The following FBXO8 variants were observed in gnomAD, a reference collection of about 807,000 sequenced individuals.
FBXO8 encodes F-box protein 8, also known as F-box only protein 8.
FBXO8 carries 15 observed loss-of-function variants against 33.4 expected under a neutral mutation model. That is an observed-to-expected ratio of 0.45 (90% CI 0.30 to 0.69). The LOEUF (loss-of-function observed/expected upper bound fraction) is 0.69, where lower values mean the gene tolerates loss of function less well. FBXO8 is among the 30% of genes least tolerant of loss of function. The pLI, the probability that FBXO8 is intolerant of heterozygous loss-of-function variation, is 0.08. For synonymous variants in FBXO8, 132 were observed against 131.5 expected (o/e 1.00, Z -0.02); for missense variants, 274 against 380.3 (o/e 0.72, Z 2.32).
intron 5 of FBXO8, among the ~76,000 whole-genome samples, chr4:174,238,551 CACAA>C (rs1350808996): frequency 2.0e-5 from 3 of 151,228 alleles, no homozygotes; most frequent in Non-Finnish European, 3.0e-5. Context: ...TAGAAGTACA[CACAA>C]ACAGACATAT....
At chr4:174,273,867 C>T (rs1207815261) in intron 1 of FBXO8, among the ~76,000 whole-genome samples, 1 of 151,946 alleles carries the variant, frequency 6.6e-6, no homozygotes, top group Non-Finnish European at 1.5e-5. Context: ...ATTATTATTA[C>T]CTTAGGGCTC....
In FBXO8 at chr4:174,253,309, A is replaced by G. The variant is rs1388850481; in HGVS notation, c.456+6390T>C. On this transcript the variant is annotated intron_variant, in intron 3 of 5. Coordinates refer to ENST00000393674, the MANE Select transcript of FBXO8 (RefSeq NM_012180.3). The surrounding 1 kb of genome is among the most constrained non-coding windows in gnomAD (Gnocchi z 4.5). Reference sequence around the variant, plus strand: ...CACCTATATCCTTTTCTTTTGCCACACTGTGTAGTAGTATTTCCCTCTGGT... The same window carrying G: ...CACCTATATCCTTTTCTTTTGCCACGCTGTGTAGTAGTATTTCCCTCTGGT... Among the ~76,000 whole-genome samples, 1 of 152,114 alleles carries G rather than the reference A, an allele frequency of 6.6e-6. No individual in the cohort carries two copies. The highest frequency in any genetic ancestry group is 1.5e-5 in the Non-Finnish European group (1 of 68,018).
intron 1 of FBXO8, among the ~76,000 whole-genome samples, chr4:174,269,457 G>A (rs988568271): frequency 7.9e-5 from 12 of 151,986 alleles, no homozygotes; most frequent in Admixed American, 3.3e-4. Flanking sequence ...AGGCCGAGGC[G>A]GGCAGATCAC....
chr4:174,263,188 CATTT>C lies in FBXO8; in HGVS notation c.-8-92_-8-89del. On this transcript the variant is annotated intron_variant, in intron 1 of 5. Coordinates refer to ENST00000393674, the MANE Select transcript of FBXO8 (RefSeq NM_012180.3). This position sits in a 1 kb window ranked among gnomAD's most constrained non-coding sequence, Gnocchi z 4.2. ...TATAACAAATCTGACATGAAGCATT[CATTT>C]ATCAGAATTAAAACTTCTCATTAAA... The C allele has an allele frequency of 8.6e-7, 1 of 1,157,918 alleles. No individual in the cohort carries two copies. Among genetic ancestry groups the C allele is most frequent in the Non-Finnish European group, 1.2e-6 (1 of 827,178 alleles). The allele number at this position is 1,157,918 out of a possible 1,614,324, so 71.7% of individuals were successfully genotyped here.
rs994576043 is a variant in FBXO8 at position 174,265,037 on chromosome 4, C to T, written c.-8-1937G>A. On this transcript the variant is annotated intron_variant, in intron 1 of 5. Coordinates refer to ENST00000393674, the MANE Select transcript of FBXO8 (RefSeq NM_012180.3). The surrounding 1 kb of genome is among the most constrained non-coding windows in gnomAD (Gnocchi z 4.7). The stretch of plus-strand genomic sequence containing the variant: ...TGAAAAGATGCTCAACATCATATGT[C>T]GTGAGGGAACTGAAAATAACATAAC... 6.6e-6 allele frequency among the ~76,000 whole-genome samples: 1 copy of T among 152,010 alleles called. No homozygotes were observed. Among genetic ancestry groups the T allele is most frequent in the Non-Finnish European group, 1.5e-5 (1 of 67,962 alleles).
rs61748174 is a variant in FBXO8, at chr4:174,259,787, T to C, written c.368A>G (p.Asn123Ser). 4.5e-3 allele frequency: 7,226 copies of C among 1,611,464 alleles called. 40 individuals carry two copies. Among genetic ancestry groups the C allele is most frequent in the Middle Eastern group, 0.024 (147 of 6,046 alleles). The part of the protein sequence containing the change: ...KSTWGHCSIY[N>S]KNPPLGFSFR... ...AGAAAATCCTAAAGGTGGGTTCTTA[T>C]TGTATATGGAACAGTGACCCCAAGT... The change falls in exon 3 of 6, where the codon AAT becomes AGT. Residue 123 changes from asparagine (N) to serine (S), a missense_variant. This residue lies in a region of FBXO8 where 186 missense variants were observed against 293.4 expected (regional missense o/e 0.63). Transcript: ENST00000393674. The surrounding 1 kb of genome is among the most constrained non-coding windows in gnomAD (Gnocchi z 4.3).
In FBXO8 at chr4:174,239,174, C is replaced by T; in HGVS notation, c.592G>A (p.Asp198Asn). Residue 198 changes from aspartate (D) to asparagine (N), a missense_variant, in exon 5 of 6, where the codon GAC (aspartate) becomes AAC (asparagine). This residue lies in a region of FBXO8 where 186 missense variants were observed against 293.4 expected (regional missense o/e 0.63). Transcript: ENST00000393674. ...YLDERRDVLDDLVTLHNFRNQ... is the reference protein window; with the variant it reads ...YLDERRDVLDNLVTLHNFRNQ... Reference sequence around the variant, plus strand: ...CTAAAATTATGCAATGTTACAAGGTCATCCAAGACATCTCTCCTACAGAAA... The same window carrying T: ...CTAAAATTATGCAATGTTACAAGGTTATCCAAGACATCTCTCCTACAGAAA... 1 of 1,572,840 alleles carries T rather than the reference C, an allele frequency of 6.4e-7. No homozygotes were observed. Among genetic ancestry groups the T allele is most frequent in the Non-Finnish European group, 8.6e-7 (1 of 1,158,052 alleles).
chr4:174,239,308 G>T, intron 4 of FBXO8, 118 bp from the exon 5 acceptor site: 1 of 524,456 alleles, frequency 1.9e-6, no homozygotes, highest in Non-Finnish European at 3.2e-6. Context: ...TACTAGATCA[G>T]CTAATCCTAT....
In FBXO8 at chr4:174,237,340, A is replaced by G. The variant is rs145317216; in HGVS notation, c.*72T>C. On this transcript the variant is annotated 3_prime_UTR_variant, in exon 6 of 6. Coordinates refer to ENST00000393674, the MANE Select transcript of FBXO8 (RefSeq NM_012180.3). The surrounding 1 kb of genome is among the most constrained non-coding windows in gnomAD (Gnocchi z 4.4). ...GGCTACAATGACCAGCACTGATGTAACCCCCATATCTGCTAAGTCCTTGGG... is the reference window on the plus strand; with the variant it reads ...GGCTACAATGACCAGCACTGATGTAGCCCCCATATCTGCTAAGTCCTTGGG... 26 of 1,289,904 alleles carry G rather than the reference A, an allele frequency of 2.0e-5. No homozygotes were observed. The African/African-American group carries it at 3.4e-4, about 17-fold the overall frequency. 79.9% of individuals were successfully genotyped at this position (1,289,904 alleles called of 1,614,324 possible). A position where few individuals can be genotyped will look rare whatever the true frequency, so the allele number is the denominator to read the frequency against.
At chr4:174,273,792 C>A (rs1289849103) in intron 1 of FBXO8, among the ~76,000 whole-genome samples, 1 of 152,044 alleles carries the variant, frequency 6.6e-6, no homozygotes, top group Non-Finnish European at 1.5e-5. Context: ...GTTGTGGAAT[C>A]CAGGCATGTA....
rs1431200331 is a variant in FBXO8, at chr4:174,275,835, G to A, written c.-9+7575C>T. ...TGGATCAAAAGAAGATGGAATTAAGGAATACAAATCCTTATAGACACAAAT... is the reference window on the plus strand; with the variant it reads ...TGGATCAAAAGAAGATGGAATTAAGAAATACAAATCCTTATAGACACAAAT... On this transcript the variant is annotated intron_variant, in intron 1 of 5. Transcript: ENST00000393674. The surrounding 1 kb of genome is among the most constrained non-coding windows in gnomAD (Gnocchi z 4.4). Among the ~76,000 whole-genome samples, 2 of 151,990 alleles carry A rather than the reference G, an allele frequency of 1.3e-5. No homozygotes were observed. The highest frequency in any genetic ancestry group is 2.9e-5 in the Non-Finnish European group (2 of 67,974).
Position 174,272,438 on chromosome 4 carries a change from T to C in FBXO8, c.-8-9338A>G, listed in dbSNP as rs1405891883. On this transcript the variant is annotated intron_variant, in intron 1 of 5. Coordinates refer to ENST00000393674, the MANE Select transcript of FBXO8 (RefSeq NM_012180.3). The surrounding 1 kb of genome is among the most constrained non-coding windows in gnomAD (Gnocchi z 4.7). Reference sequence around the variant, plus strand: ...ATTATTTATTGTTGTACTGTTACTTTCTATTTTTTTCCAAATAGTTTCAAT... The same window carrying C: ...ATTATTTATTGTTGTACTGTTACTTCCTATTTTTTTCCAAATAGTTTCAAT... 6.6e-6 allele frequency among the ~76,000 whole-genome samples: 1 copy of C among 152,228 alleles called. No homozygotes were observed. The highest frequency in any genetic ancestry group is 2.4e-5 in the African/African-American group (1 of 41,446).
chr4:174,249,077 G>A (rs1383057842), intron 3 of FBXO8, among the ~76,000 whole-genome samples: 9 of 152,076 alleles, frequency 5.9e-5, no homozygotes, highest in Admixed American at 1.3e-4. Flanking sequence ...CTATTAATTC[G>A]TTCTAATAGC....
chr4:174,259,717 A>G lies in FBXO8; in HGVS notation c.438T>C (p.Phe146=), dbSNP rs773589218. Residue 146 remains phenylalanine (F), a synonymous_variant, in exon 3 of 6, where the codon TTT becomes TTC. Coordinates refer to ENST00000393674, the MANE Select transcript of FBXO8 (RefSeq NM_012180.3). This position sits in a 1 kb window ranked among gnomAD's most constrained non-coding sequence, Gnocchi z 4.3. ...YMQLDEGSLT[F]NANPDEGVNY... ...CACTAACCTCATCTGGGTTGGCATT[A>G]AAGGTGAGGCTGCCTTCATCCAGCT... The G allele has an allele frequency of 5.0e-6, 8 of 1,610,812 alleles. No homozygotes were observed. The African/African-American group carries it at 8.0e-5, about 16-fold the overall frequency.
Position 174,263,156 on chromosome 4 carries a change from C to T in FBXO8, c.-8-56G>A. 1 of 1,469,640 alleles carries T rather than the reference C, an allele frequency of 6.8e-7. No individual in the cohort carries two copies. Among genetic ancestry groups the T allele is most frequent in the Non-Finnish European group, 9.3e-7 (1 of 1,077,698 alleles). 91.0% of individuals were successfully genotyped at this position (1,469,640 alleles called of 1,614,324 possible). On this transcript the variant is annotated intron_variant, in intron 1 of 5. Coordinates refer to ENST00000393674, the MANE Select transcript of FBXO8 (RefSeq NM_012180.3). This position sits in a 1 kb window ranked among gnomAD's most constrained non-coding sequence, Gnocchi z 4.2. ...ACATTTAAAAAGTAACCCATTTTTC[C>T]CAGTGGTATAACAAATCTGACATGA...
intron 1 of FBXO8, among the ~76,000 whole-genome samples, chr4:174,279,480 T>C (rs1212171629): frequency 1.3e-5 from 2 of 152,030 alleles, no homozygotes; most frequent in African/African-American, 4.8e-5. Flanking sequence ...TATAATGACG[T>C]TTTTTGCATT....
rs1052277983 is a variant in FBXO8 at position 174,251,022 on chromosome 4, C to A, written c.456+8677G>T. ...AGCAAACAGATTTTTCATTAAAATGCACTTAAAAAGCTCAATGTACCACTG... is the reference window on the plus strand; with the variant it reads ...AGCAAACAGATTTTTCATTAAAATGAACTTAAAAAGCTCAATGTACCACTG... On this transcript the variant is annotated intron_variant, in intron 3 of 5. Coordinates refer to ENST00000393674, the MANE Select transcript of FBXO8 (RefSeq NM_012180.3). The surrounding 1 kb of genome is among the most constrained non-coding windows in gnomAD (Gnocchi z 4.2). Among the ~76,000 whole-genome samples the A allele has an allele frequency of 6.6e-6, 1 of 152,060 alleles. No homozygotes were observed. Among genetic ancestry groups the A allele is most frequent in the Non-Finnish European group, 1.5e-5 (1 of 68,000 alleles).
intron 3 of FBXO8, among the ~76,000 whole-genome samples, chr4:174,258,965 T>C (rs1204817242): frequency 6.6e-6 from 1 of 152,016 alleles, no homozygotes; most frequent in Non-Finnish European, 1.5e-5. Flanking sequence ...CAAAAAATAA[T>C]GCACCCAAAA....
At chr4:174,264,017 G>A (rs1425167034) in intron 1 of FBXO8, among the ~76,000 whole-genome samples, 4 of 152,164 alleles carry the variant, frequency 2.6e-5, no homozygotes, top group African/African-American at 9.7e-5. Context: ...CTAAATCGGA[G>A]TTCCTAATGA....
Sources: gnomAD v4.1 joint callset for allele counts (sites outside exome capture counted in the v4.1 genomes callset) on GRCh38, gnomAD v4.1.1 for gene constraint, gnomAD v4.1.1 regional missense constraint, Gnocchi (gnomAD v3.1) non-coding constraint, MANE v1.5 for transcripts, NCBI Gene and HGNC (gene_info 2026-07-23, HGNC 2026-07-21) for gene names.